FGGY: variants seen among roughly 807,000 people sequenced by gnomAD.
FGGY encodes the protein FGGY carbohydrate kinase domain containing.
A neutral mutation model predicts 71.3 loss-of-function variants in FGGY; 72 were observed. The observed-to-expected ratio is 1.01, with a 90% confidence interval of 0.84 to 1.23. FGGY has a LOEUF of 1.23. Among genes scored for constraint, FGGY ranks in the 50% most tolerant of loss-of-function variants. The pLI, the probability that FGGY is intolerant of heterozygous loss-of-function variation, is 0.00. For missense variants in FGGY, 668 were observed against 682.3 expected, an observed-to-expected ratio of 0.98 and a Z score of 0.23; for synonymous variants, 251 against 250.3, an observed-to-expected ratio of 1.00 and a Z score of -0.02.
intron 5 of FGGY, among the ~76,000 whole-genome samples, chr1:59,444,215 T>G (rs1056545463): frequency 6.6e-6 from 1 of 152,202 alleles, no homozygotes; most frequent in African/African-American, 2.4e-5. Flanking sequence ...TGACCCCGGG[T>G]CTTTGCTCCC....
intron 14 of FGGY, among the ~76,000 whole-genome samples, chr1:59,750,738 C>T (rs1453069262): frequency 6.6e-6 from 1 of 152,172 alleles, no homozygotes; most frequent in East Asian, 1.9e-4. Flanking sequence ...CTAGCCATTT[C>T]TTAATGCGTG....
At chr1:59,421,539 CT>C (rs1232520132) in intron 5 of FGGY, among the ~76,000 whole-genome samples, 1 of 150,356 alleles carries the variant, frequency 6.7e-6, no homozygotes, top group Non-Finnish European at 1.5e-5. Flanking sequence ...CCCTCACTCC[CT>C]TTTCTTCTTT....
rs528457045 is a variant in FGGY at position 59,667,348 on chromosome 1, A to G, written c.1362A>G (p.Leu454=). The change falls in exon 13 of 16, where the codon CTA becomes CTG. Residue 454 remains leucine (L), a synonymous_variant. Coordinates refer to ENST00000303721, the MANE Select transcript of FGGY (RefSeq NM_018291.5). ...AAGHSISTLF[L]CGGLSKNPLF... is the part of the protein sequence containing the mutation. ...GGCACTCAATCAGTACTCTTTTCCT[A>G]TGTGGAGGCCTCAGCAAGAATCCCC... The G allele has an allele frequency of 8.7e-6, 14 of 1,614,110 alleles. No homozygotes were observed. In the East Asian group the frequency reaches 2.7e-4, roughly 31 times the overall value.
At chr1:59,638,422 G>A (rs2096984351) in intron 11 of FGGY, 47 bp downstream of exon 11, 1 of 1,594,494 alleles carries the variant, frequency 6.3e-7, no homozygotes, top group African/African-American at 1.4e-5. Context: ...AGGCCAAAGG[G>A]CTACAAAGTT....
intron 6 of FGGY, among the ~76,000 whole-genome samples, chr1:59,467,734 A>AT (rs1035709582): frequency 3.7e-4 from 56 of 152,302 alleles, no homozygotes; most frequent in African/African-American, 1.3e-3. Flanking sequence ...CTCCATCCCT[A>AT]TGAGACTGTA....
intron 7 of FGGY, among the ~76,000 whole-genome samples, chr1:59,536,552 T>G (rs1250271808): frequency 6.6e-6 from 1 of 152,170 alleles, no homozygotes; most frequent in African/African-American, 2.4e-5. Flanking sequence ...ACCAATATCC[T>G]TGATGAACAC....
At chr1:59,759,772 G>C (rs2098326950) in intron 15 of FGGY, among the ~76,000 whole-genome samples, 2 of 152,248 alleles carry the variant, frequency 1.3e-5, no homozygotes, top group South Asian at 4.1e-4. Context: ...CTGCCACACA[G>C]AAGCAGGGAC....
At position 59,676,277 on chromosome 1, in the gene FGGY, G is replaced by A. The variant is rs796925503; in HGVS notation, c.1512+2144G>A. 3.0e-4 allele frequency among the ~76,000 whole-genome samples: 45 copies of A among 152,148 alleles called. 1 individual carries two copies. The highest frequency in any genetic ancestry group is 9.9e-4 in the African/African-American group (41 of 41,516). ...ATTTGTCCAAGGCTACACAGAAAGG[G>A]CAGAAGCAGAATTGAAATGAAGGTC... is the stretch of plus-strand genomic sequence containing the variant. On this transcript the variant is annotated intron_variant, in intron 14 of 15. Transcript: ENST00000303721.
intron 5 of FGGY, among the ~76,000 whole-genome samples, chr1:59,440,028 C>A (rs1342231855): frequency 6.7e-6 from 1 of 149,128 alleles, no homozygotes; most frequent in African/African-American, 2.5e-5. Flanking sequence ...CCATTCCCAT[C>A]TCAGTTTCTC....
intron 4 of FGGY, among the ~76,000 whole-genome samples, chr1:59,372,759 G>A (rs1475729420): frequency 3.9e-5 from 6 of 152,162 alleles, no homozygotes; most frequent in Admixed American, 2.6e-4. Flanking sequence ...TCCAATATAC[G>A]CAAATCAATA....
At chr1:59,384,801 GT>G (rs2059894888) in intron 5 of FGGY, among the ~76,000 whole-genome samples, 1 of 152,020 alleles carries the variant, frequency 6.6e-6, no homozygotes, top group Non-Finnish European at 1.5e-5. Context: ...ACAATAAAGG[GT>G]TCTTTTAATA....
At chr1:59,339,265 C>A (rs1436264738) in intron 2 of FGGY, among the ~76,000 whole-genome samples, 2 of 152,010 alleles carry the variant, frequency 1.3e-5, no homozygotes, top group Non-Finnish European at 2.9e-5. Context: ...TGATCACAAG[C>A]ATTTCAGGTA....
chr1:59,535,282 C>A (rs954164414), intron 7 of FGGY, among the ~76,000 whole-genome samples: 4 of 152,126 alleles, frequency 2.6e-5, no homozygotes, highest in African/African-American at 7.2e-5. Context: ...GAAGAGCTAA[C>A]TATCCTAAAT....
At chr1:59,384,336 G>T (rs956230203) in intron 5 of FGGY, among the ~76,000 whole-genome samples, 2 of 152,038 alleles carry the variant, frequency 1.3e-5, no homozygotes, top group African/African-American at 4.8e-5. Context: ...TTGCAAAGGT[G>T]GTTGCCCTTT....
chr1:59,482,772 A>G (rs2093534326), intron 6 of FGGY, among the ~76,000 whole-genome samples: 1 of 152,022 alleles, frequency 6.6e-6, no homozygotes, highest in African/African-American at 2.4e-5. Flanking sequence ...GTGAAATAAC[A>G]TCACAAAGCT....
chr1:59,723,033 G>A (rs946060183), intron 14 of FGGY, among the ~76,000 whole-genome samples: 11 of 152,138 alleles, frequency 7.2e-5, no homozygotes, highest in East Asian at 3.9e-4. Context: ...TCCTGACCTC[G>A]TGATCCACCC....
chr1:59,379,421 A>G (rs1427462744), intron 5 of FGGY, among the ~76,000 whole-genome samples: 3 of 152,114 alleles, frequency 2.0e-5, no homozygotes. Flanking sequence ...TTATTTGTAT[A>G]TCTAAACATA....
At chr1:59,569,067 C>G (rs1488340315) in intron 8 of FGGY, among the ~76,000 whole-genome samples, 1 of 152,086 alleles carries the variant, frequency 6.6e-6, no homozygotes, top group Non-Finnish European at 1.5e-5. Context: ...CAAGAATGGG[C>G]AAGGAACACA....
chr1:59,717,644 C>T (rs1457807797), intron 14 of FGGY, among the ~76,000 whole-genome samples: 1 of 152,132 alleles, frequency 6.6e-6, no homozygotes, highest in Non-Finnish European at 1.5e-5. Context: ...AAGGCCATGA[C>T]CAGCACTGCT....
Sources: gnomAD v4.1 joint callset for allele counts (sites outside exome capture counted in the v4.1 genomes callset) on GRCh38, gnomAD v4.1.1 for gene constraint, MANE v1.5 for transcripts, NCBI Gene and HGNC (gene_info 2026-07-23, HGNC 2026-07-21) for gene names.